SYTL3: variants seen among roughly 807,000 people sequenced by gnomAD.
The protein encoded by SYTL3 is synaptotagmin like 3.
A neutral mutation model predicts 82.1 loss-of-function variants in SYTL3; 88 were observed. The observed-to-expected ratio is 1.07, with a 90% CI of 0.90 to 1.28. The LOEUF (loss-of-function observed/expected upper bound fraction) is 1.28, where lower values mean the gene tolerates loss of function less well. Among genes scored for constraint, SYTL3 ranks in the 50% most tolerant of loss-of-function variants. The probability of loss-of-function intolerance (pLI) is 0.00; values close to 1 mark genes in which losing one functional copy is unlikely to be tolerated. For synonymous variants in SYTL3, 311 were observed against 289.4 expected (o/e 1.07, Z -0.76); for missense variants, 831 against 757.6 (o/e 1.10, Z -1.14).
At chr6:158,740,985 G>C (rs1786855623) in intron 11 of SYTL3, among the ~76,000 whole-genome samples, 1 of 152,186 alleles carries the variant, frequency 6.6e-6, no homozygotes, top group Non-Finnish European at 1.5e-5. Context: ...CACAATGCTT[G>C]AAGAAGTAGT....
At chr6:158,734,024 G>A (rs1785797674) in intron 11 of SYTL3, among the ~76,000 whole-genome samples, 1 of 150,038 alleles carries the variant, frequency 6.7e-6, no homozygotes, top group African/African-American at 2.5e-5. Context: ...GAACCTGGGA[G>A]GTGGAGCTTG....
intron 12 of SYTL3, among the ~76,000 whole-genome samples, 169 bp from the exon 13 acceptor site, chr6:158,751,759 A>G (rs1041276432): frequency 2.0e-5 from 3 of 152,182 alleles, no homozygotes; most frequent in Non-Finnish European, 4.4e-5. Context: ...CCCACCCAGC[A>G]CTAACGTTGC....
In SYTL3 at chr6:158,762,183, G is replaced by T. The variant is rs202195910; in HGVS notation, c.1517+5G>T. The T allele has an allele frequency of 2.3e-5, 36 of 1,597,768 alleles. No individual in the cohort carries two copies. The highest frequency in any genetic ancestry group is 1.7e-4 in the Middle Eastern group (1 of 6,054). On this transcript the variant is annotated splice_donor_5th_base_variant and intron_variant, in intron 16 of 17. Transcript: ENST00000611299. ...CTTGAACTCATTTGTTAAGGGGTAG[G>T]TATTCGATGTAATCAAATATTTATT...
At chr6:158,697,039 A>C (rs999235167) in intron 6 of SYTL3, among the ~76,000 whole-genome samples, 2 of 151,652 alleles carry the variant, frequency 1.3e-5, no homozygotes, top group Non-Finnish European at 2.9e-5. Flanking sequence ...TCACTTAGCA[A>C]GTGCTAAGTG....
intron 2 of SYTL3, among the ~76,000 whole-genome samples, chr6:158,654,352 A>C: frequency 6.6e-6 from 1 of 152,230 alleles, no homozygotes; most frequent in East Asian, 1.9e-4. Flanking sequence ...TGCTTGATAC[A>C]TAGAGGCCAA....
At chr6:158,728,808 C>T (rs767998294) in intron 11 of SYTL3, among the ~76,000 whole-genome samples, 43 of 152,118 alleles carry the variant, frequency 2.8e-4, no homozygotes, top group Non-Finnish European at 2.4e-4. Flanking sequence ...GGCGCGGTGG[C>T]GCCACTGCAC....
At chr6:158,657,440 A>G (rs1313735819) in intron 2 of SYTL3, among the ~76,000 whole-genome samples, 2 of 151,072 alleles carry the variant, frequency 1.3e-5, no homozygotes, top group African/African-American at 4.8e-5. Context: ...AAAAAAAAAA[A>G]AAAAAAGAGA....
At chr6:158,680,916 G>A (rs1778619295) in intron 5 of SYTL3, among the ~76,000 whole-genome samples, 1 of 152,172 alleles carries the variant, frequency 6.6e-6, no homozygotes, top group South Asian at 2.1e-4. Flanking sequence ...GCACTTCATA[G>A]AGAAAGATAG....
At chr6:158,654,981 G>A (rs1375123675) in intron 2 of SYTL3, among the ~76,000 whole-genome samples, 1 of 152,182 alleles carries the variant, frequency 6.6e-6, no homozygotes, top group Admixed American at 6.5e-5. Context: ...GGAGTTAGGA[G>A]ACTGGATCTA....
At chr6:158,674,119 A>AATAATGATG (rs544841096) in intron 5 of SYTL3, among the ~76,000 whole-genome samples, 59 of 141,446 alleles carry the variant, frequency 4.2e-4, no homozygotes, top group African/African-American at 1.2e-3. Flanking sequence ...TAATAATAAT[A>AATAATGATG]ATGATGATGA....
At chr6:158,763,610 T>C in intron 17 of SYTL3, 101 bp downstream of exon 17, 2 of 1,048,136 alleles carry the variant, frequency 1.9e-6, no homozygotes, top group Non-Finnish European at 2.9e-6. Context: ...CTTAACTGGT[T>C]TTGAAATTGC....
chr6:158,676,730 C>G (rs1468587619), intron 5 of SYTL3, among the ~76,000 whole-genome samples: 6 of 152,174 alleles, frequency 3.9e-5, no homozygotes, highest in Non-Finnish European at 7.3e-5. Context: ...ACAACCCTAT[C>G]AACAAGTGGG....
chr6:158,728,831 G>A (rs529966017), intron 11 of SYTL3, among the ~76,000 whole-genome samples: 1 of 152,160 alleles, frequency 6.6e-6, no homozygotes, highest in Non-Finnish European at 1.5e-5. Context: ...CAGCCTGGGT[G>A]GCTAACATGG....
At chr6:158,717,293 G>A (rs890779741) in intron 9 of SYTL3, among the ~76,000 whole-genome samples, 1 of 104,340 alleles carries the variant, frequency 9.6e-6, no homozygotes, top group Admixed American at 9.8e-5. Flanking sequence ...TAAGTAAATA[G>A]AGTTAATTTT....
chr6:158,727,570 A>T (rs1407688183), intron 11 of SYTL3, among the ~76,000 whole-genome samples: 1 of 151,976 alleles, frequency 6.6e-6, no homozygotes, highest in Non-Finnish European at 1.5e-5. Flanking sequence ...CCTTATAAGG[A>T]TGGACATAGC....
chr6:158,727,949 T>C (rs1784936895), intron 11 of SYTL3, among the ~76,000 whole-genome samples: 1 of 152,176 alleles, frequency 6.6e-6, no homozygotes, highest in South Asian at 2.1e-4. Context: ...ACAATAGAAC[T>C]TGGAAGTGAT....
chr6:158,666,851 T>A (rs1790120425), intron 5 of SYTL3, among the ~76,000 whole-genome samples: 1 of 152,246 alleles, frequency 6.6e-6, no homozygotes, highest in African/African-American at 2.4e-5. Context: ...CAACCTGATT[T>A]CTTTGCTCTT....
chr6:158,761,301 C>CTTTTTTTTTTTTT lies in SYTL3; in HGVS notation c.1414+563_1414+575dup, dbSNP rs11463987. Among the ~76,000 whole-genome samples, 4 of 93,888 alleles carry CTTTTTTTTTTTTT rather than the reference C, an allele frequency of 4.3e-5. 1 individual carries two copies. The highest frequency in any genetic ancestry group is 4.2e-5 in the Non-Finnish European group (2 of 47,830). The allele number at this position is 93,888 out of a possible 152,430, so 61.6% of individuals were successfully genotyped here. On this transcript the variant is annotated intron_variant, in intron 15 of 17. Coordinates refer to ENST00000611299, the MANE Select transcript of SYTL3 (RefSeq NM_001242394.2). ...AGGAGGACTGGGAGAATGCACATTT[C>CTTTTTTTTTTTTT]TTTTTTTTTTTTTTTTTTTGAGACA...
chr6:158,666,269 G>A (rs1269982204), intron 5 of SYTL3, among the ~76,000 whole-genome samples: 2 of 152,176 alleles, frequency 1.3e-5, no homozygotes, highest in Admixed American at 1.3e-4. Context: ...TAAATACTGC[G>A]TTTTTGAAGC....
Sources: gnomAD v4.1 joint callset for allele counts (sites outside exome capture counted in the v4.1 genomes callset) on GRCh38, gnomAD v4.1.1 for gene constraint, MANE v1.5 for transcripts, NCBI Gene and HGNC (gene_info 2026-07-23, HGNC 2026-07-21) for gene names.